The following NCKAP5 variants were observed in gnomAD, a reference collection of about 807,000 sequenced individuals.
The protein encoded by NCKAP5 is NCK associated protein 5, also known as nck-associated protein 5.
A neutral mutation model predicts 167.0 loss-of-function variants in NCKAP5; 92 were observed. The ratio of observed to expected loss-of-function variants is 0.55; its 90% CI spans 0.47 to 0.66. The LOEUF is 0.66. NCKAP5 is among the 30% of genes least tolerant of loss of function. The pLI is 0.00. For missense variants in NCKAP5, 2,378 were observed against 2,315.0 expected, an observed-to-expected ratio of 1.03 and a Z score of -0.56; for synonymous variants, 891 against 877.4, an observed-to-expected ratio of 1.02 and a Z score of -0.27.
intron 19 of NCKAP5, among the ~76,000 whole-genome samples, chr2:132,719,175 C>A (rs553379660): frequency 6.6e-6 from 1 of 151,902 alleles, no homozygotes; most frequent in South Asian, 2.1e-4. Flanking sequence ...AAAGTACAAG[C>A]CAGGAAATGA....
chr2:132,775,513 T>C (rs899966817), intron 15 of NCKAP5, among the ~76,000 whole-genome samples: 1 of 152,210 alleles, frequency 6.6e-6, no homozygotes, highest in African/African-American at 2.4e-5. Flanking sequence ...CATTTCCCTG[T>C]TTGTTAGCAG....
At chr2:132,877,113 T>C (rs926502065) in intron 9 of NCKAP5, among the ~76,000 whole-genome samples, 3 of 152,200 alleles carry the variant, frequency 2.0e-5, no homozygotes, top group Admixed American at 6.5e-5. Context: ...TGTTTGGTCT[T>C]TCTTGCCCTA....
At chr2:132,940,366 G>GA (rs1697202231) in intron 8 of NCKAP5, among the ~76,000 whole-genome samples, 1 of 152,114 alleles carries the variant, frequency 6.6e-6, no homozygotes. Flanking sequence ...AGGGCTCAGG[G>GA]AACACTGGGC....
At chr2:133,290,795 C>T (rs984364815) in intron 4 of NCKAP5, among the ~76,000 whole-genome samples, 9 of 148,896 alleles carry the variant, frequency 6.0e-5, no homozygotes, top group Non-Finnish European at 1.0e-4. Context: ...GCTCTGTCAC[C>T]CAGGCTGGAG....
chr2:132,969,973 G>A (rs1190051064), intron 7 of NCKAP5, among the ~76,000 whole-genome samples: 3 of 152,110 alleles, frequency 2.0e-5, no homozygotes, highest in African/African-American at 7.2e-5. Context: ...AGGTAACATT[G>A]AGAAAGAGAG....
intron 4 of NCKAP5, among the ~76,000 whole-genome samples, chr2:133,298,272 C>T (rs541493623): frequency 6.6e-6 from 1 of 152,266 alleles, no homozygotes; most frequent in African/African-American, 2.4e-5. Flanking sequence ...CAATACCACC[C>T]ATTTCCATCT....
the NCKAP5 span, among the ~76,000 whole-genome samples, chr2:133,604,806 C>T: frequency 5.8e-4 from 88 of 152,282 alleles, no homozygotes; most frequent in African/African-American, 1.8e-3. Flanking sequence ...CTGGGATACC[C>T]TGTGTCAGGG....
chr2:133,669,759 A>G, the NCKAP5 span, among the ~76,000 whole-genome samples: 2 of 152,190 alleles, frequency 1.3e-5, no homozygotes, highest in African/African-American at 4.8e-5. Context: ...TTTTTGTCCT[A>G]ACAGCAAAAA....
chr2:132,785,012 C>G lies in NCKAP5; in HGVS notation c.1799G>C (p.Ser600Thr), dbSNP rs17325719. 223,245 of 1,613,866 alleles carry G rather than the reference C, an allele frequency of 0.14. 16,429 individuals are homozygous for G. Among genetic ancestry groups the G allele is most frequent in the Non-Finnish European group, 0.15 (179,312 of 1,179,804 alleles). The change falls in exon 14 of 20, where the codon AGT becomes ACT. Residue 600 changes from serine (S) to threonine (T), a missense_variant. Transcript: ENST00000409261. ...GGCAGCCAATGACACGTCTGAAGGA[C>G]TTTTCTCATCACTGCTCTCTATGTG... The part of the protein sequence containing the change: ...ELHIESSDEK[S>T]PSDVSLAADT...
At chr2:132,840,605 A>C (rs1274025306) in intron 11 of NCKAP5, among the ~76,000 whole-genome samples, 2 of 152,106 alleles carry the variant, frequency 1.3e-5, no homozygotes, top group Non-Finnish European at 2.9e-5. Context: ...GGATACTAGG[A>C]ATACTTGAGC....
intron 12 of NCKAP5, among the ~76,000 whole-genome samples, chr2:132,790,910 C>A (rs1229941621): frequency 6.6e-6 from 1 of 152,106 alleles, no homozygotes; most frequent in Non-Finnish European, 1.5e-5. Context: ...TTTTATCTAG[C>A]CATACTGGTG....
intron 4 of NCKAP5, among the ~76,000 whole-genome samples, chr2:133,282,608 T>C (rs554317608): frequency 6.6e-6 from 1 of 152,182 alleles, no homozygotes; most frequent in Non-Finnish European, 1.5e-5. Context: ...ATAACATGGA[T>C]GCAATCAGTG....
At chr2:133,465,230 T>C (rs1692485974) in intron 3 of NCKAP5, among the ~76,000 whole-genome samples, 1 of 143,264 alleles carries the variant, frequency 7.0e-6, no homozygotes, top group Non-Finnish European at 1.5e-5. Context: ...CATTGTTCAA[T>C]TCCCACCTAT....
At chr2:132,759,853 C>A (rs2104848069) in intron 16 of NCKAP5, among the ~76,000 whole-genome samples, 1 of 151,932 alleles carries the variant, frequency 6.6e-6, no homozygotes, top group African/African-American at 2.4e-5. Flanking sequence ...TTTATGCTTT[C>A]TAGTTGTCCA....
At chr2:133,222,710 G>A (rs1178959810) in intron 4 of NCKAP5, among the ~76,000 whole-genome samples, 1 of 152,340 alleles carries the variant, frequency 6.6e-6, no homozygotes, top group Non-Finnish European at 1.5e-5. Context: ...ATGCAGCAAT[G>A]CCTGCCTTCC....
chr2:133,365,428 G>C (rs1166133995), intron 3 of NCKAP5, among the ~76,000 whole-genome samples: 3 of 151,940 alleles, frequency 2.0e-5, no homozygotes, highest in Non-Finnish European at 2.9e-5. Context: ...GTATATGCCA[G>C]GCTAGACTCT....
chr2:132,895,078 T>G (rs1014507491), intron 8 of NCKAP5, among the ~76,000 whole-genome samples: 11 of 152,048 alleles, frequency 7.2e-5, no homozygotes, highest in South Asian at 2.1e-4. Flanking sequence ...ACATCTGTAA[T>G]CCCAGCACTT....
At chr2:133,634,795 A>G in the NCKAP5 span, among the ~76,000 whole-genome samples, 1 of 152,160 alleles carries the variant, frequency 6.6e-6, no homozygotes, top group Non-Finnish European at 1.5e-5. Flanking sequence ...ATTGGGACAT[A>G]CATTTAAAAA....
chr2:132,782,822 G>A lies in NCKAP5; in HGVS notation c.3989C>T (p.Pro1330Leu). 1.2e-6 allele frequency: 2 copies of A among 1,613,930 alleles called. No individual in the cohort carries two copies. Among genetic ancestry groups the A allele is most frequent in the Admixed American group, 3.3e-5 (2 of 60,028 alleles). The part of the protein sequence containing the change: ...ESSPNKAPSA[P>L]MLESLPSVGR... ...AACACTGGGGAGACTCTCCAACATG[G>A]GAGCAGAAGGGGCCTTGTTGGGAGA... The change falls in exon 14 of 20, where the codon CCC becomes CTC. Residue 1330 changes from proline to leucine, a missense_variant. Coordinates refer to ENST00000409261, the MANE Select transcript of NCKAP5 (RefSeq NM_207363.3).
Sources: allele counts gnomAD v4.1 joint callset (sites outside exome capture counted in the v4.1 genomes callset), GRCh38; gene constraint gnomAD v4.1.1; transcripts MANE v1.5; gene names NCBI Gene and HGNC (gene_info 2026-07-23, HGNC 2026-07-21).